UMAD1: variants seen among roughly 807,000 people sequenced by gnomAD.
The protein encoded by UMAD1 is UBAP1-MVB12-associated (UMA)-domain containing protein 1.
Under a neutral mutation model 6.1 loss-of-function variants are expected in UMAD1, and 8 were observed. The ratio of observed to expected loss-of-function variants is 1.30; its 90% CI spans 0.76 to 2.35. The LOEUF is 2.35. Ranked by LOEUF, UMAD1 falls within the 30% of genes most tolerant of loss-of-function variation. The pLI is 0.00. For missense variants in UMAD1, 130 were observed against 78.4 expected, an observed-to-expected ratio of 1.66 and a Z score of -2.49; for synonymous variants, 56 against 31.4, an observed-to-expected ratio of 1.78 and a Z score of -2.61.
At chr7:7,782,727 C>CCT (rs1216124500) in intron 2 of UMAD1, among the ~76,000 whole-genome samples, 16 of 149,314 alleles carry the variant, frequency 1.1e-4, no homozygotes, top group African/African-American at 3.3e-4. Flanking sequence ...TTGTGTATAA[C>CCT]CTCTCTCTTT....
intron 2 of UMAD1, among the ~76,000 whole-genome samples, chr7:7,783,606 G>A (rs577864835): frequency 6.6e-6 from 1 of 152,226 alleles, no homozygotes; most frequent in African/African-American, 2.4e-5. Flanking sequence ...TAACTACCAA[G>A]ATTTGTAGCT....
chr7:7,803,858 AT>A (rs1237194249), intron 3 of UMAD1, among the ~76,000 whole-genome samples: 2 of 152,094 alleles, frequency 1.3e-5, no homozygotes, highest in African/African-American at 4.8e-5. Context: ...CAACATACGA[AT>A]TTTGGAGGGA....
At chr7:7,801,249 G>A (rs1236219467) in intron 2 of UMAD1, among the ~76,000 whole-genome samples, 1 of 152,126 alleles carries the variant, frequency 6.6e-6, no homozygotes, top group Non-Finnish European at 1.5e-5. Context: ...CTACTCCAAG[G>A]CAAATCCACA....
chr7:7,804,978 C>T (rs1403631385), intron 3 of UMAD1, among the ~76,000 whole-genome samples: 1 of 98,594 alleles, frequency 1.0e-5, no homozygotes, highest in Non-Finnish European at 2.0e-5. Flanking sequence ...GGAACTCCTT[C>T]TCAAGAAAAC....
intron 2 of UMAD1, among the ~76,000 whole-genome samples, chr7:7,711,270 C>T (rs1301286270): frequency 1.3e-5 from 2 of 152,120 alleles, no homozygotes; most frequent in Non-Finnish European, 2.9e-5. Flanking sequence ...TGAAAAAGTT[C>T]AATTAAAAGA....
rs183032951 is a variant in UMAD1, at chr7:7,818,677, A to G, written c.156+16934A>G. Among the ~76,000 whole-genome samples the G allele has an allele frequency of 9.8e-5, 15 of 152,376 alleles. No individual in the cohort carries two copies. The East Asian group carries it at 2.7e-3, about 27-fold the overall frequency. On this transcript the variant is annotated intron_variant, in intron 3 of 3. Coordinates refer to ENST00000682710, the MANE Select transcript of UMAD1 (RefSeq NM_001302348.2). ...ACCTTTACTGTATATACCCAAAGGA[A>G]TATAAATCATTCTATTATAAAGACA...
At chr7:7,767,604 T>G (rs900997631) in intron 2 of UMAD1, among the ~76,000 whole-genome samples, 3 of 152,318 alleles carry the variant, frequency 2.0e-5, no homozygotes. Context: ...TGTAGTAAAG[T>G]GCCAGCTCTG....
At chr7:7,783,254 A>T (rs1782387126) in intron 2 of UMAD1, among the ~76,000 whole-genome samples, 1 of 152,242 alleles carries the variant, frequency 6.6e-6, no homozygotes, top group South Asian at 2.1e-4. Context: ...CTTCCTCAGA[A>T]TAGTCTGTAA....
intron 2 of UMAD1, among the ~76,000 whole-genome samples, chr7:7,745,065 A>C (rs1442950582): frequency 6.6e-6 from 1 of 152,234 alleles, no homozygotes; most frequent in Non-Finnish European, 1.5e-5. Context: ...TATATACTAT[A>C]TTCTTACCAT....
In UMAD1 at chr7:7,748,471, A is replaced by C. The variant is rs1583795840; in HGVS notation, c.83-53199A>C. ...GCCACAGAACTAGATAACCATTTCCAGATTGGAATATAAATTAATCAATGT... is the reference window on the plus strand; with the variant it reads ...GCCACAGAACTAGATAACCATTTCCCGATTGGAATATAAATTAATCAATGT... On this transcript the variant is annotated intron_variant, in intron 2 of 3. Coordinates refer to ENST00000682710, the MANE Select transcript of UMAD1 (RefSeq NM_001302348.2). Among the ~76,000 whole-genome samples the C allele has an allele frequency of 2.0e-5, 3 of 152,112 alleles. No individual in the cohort carries two copies. The South Asian group carries it at 6.2e-4, about 32-fold the overall frequency.
chr7:7,643,927 C>T (rs6974202), intron 1 of UMAD1, among the ~76,000 whole-genome samples: 4,999 of 152,046 alleles, frequency 0.033, 125 homozygotes, highest in East Asian at 0.1. Context: ...CAAATTTTTT[C>T]GTCTGAGGAG....
chr7:7,758,862 C>G (rs530590854), intron 2 of UMAD1, among the ~76,000 whole-genome samples: 4 of 152,254 alleles, frequency 2.6e-5, no homozygotes, highest in South Asian at 2.1e-4. Context: ...CTCTCCCCAC[C>G]CTGTTAGAGA....
intron 2 of UMAD1, among the ~76,000 whole-genome samples, chr7:7,731,855 C>T (rs192347121): frequency 2.3e-3 from 346 of 152,248 alleles, no homozygotes; most frequent in African/African-American, 7.7e-3. Context: ...AGGGCTTGGA[C>T]TGTGGACACA....
At chr7:7,863,685 G>A (rs1406981833) in intron 3 of UMAD1, among the ~76,000 whole-genome samples, 1 of 152,120 alleles carries the variant, frequency 6.6e-6, no homozygotes, top group African/African-American at 2.4e-5. Flanking sequence ...TGCATCAAGA[G>A]CCAATGGAGA....
chr7:7,829,765 A>G (rs1350748057), intron 3 of UMAD1, among the ~76,000 whole-genome samples: 1 of 152,210 alleles, frequency 6.6e-6, no homozygotes, highest in Non-Finnish European at 1.5e-5. Context: ...CACCAAACCT[A>G]GTAAAACATT....
Position 7,878,565 on chromosome 7 carries a change from G to A in UMAD1, c.*1027G>A, listed in dbSNP as rs1784467449. The A allele has an allele frequency of 6.6e-6, 1 of 152,194 alleles. No individual in the cohort carries two copies. The highest frequency in any genetic ancestry group is 2.1e-4 in the South Asian group (1 of 4,830). The allele number at this position is 152,194 out of a possible 1,614,324, so 9.4% of individuals were successfully genotyped here. The stretch of plus-strand genomic sequence containing the variant: ...CAGAACTGCCATTGGTCAATAAACT[G>A]TAAAGGGAAGAGGTAAATTGTGATA... On this transcript the variant is annotated 3_prime_UTR_variant, in exon 4 of 4. Transcript: ENST00000682710.
At chr7:7,731,269 G>A (rs1781246371) in intron 2 of UMAD1, among the ~76,000 whole-genome samples, 1 of 152,096 alleles carries the variant, frequency 6.6e-6, no homozygotes, top group African/African-American at 2.4e-5. Context: ...CAAAGTGCTG[G>A]GATTACAGCC....
intron 2 of UMAD1, among the ~76,000 whole-genome samples, chr7:7,800,096 T>A (rs1248885849): frequency 6.6e-6 from 1 of 152,248 alleles, no homozygotes; most frequent in Non-Finnish European, 1.5e-5. Flanking sequence ...TTGGTCTGGC[T>A]GGTCTCGATC....
chr7:7,840,190 G>A (rs73343507), intron 3 of UMAD1, among the ~76,000 whole-genome samples: 1 of 152,108 alleles, frequency 6.6e-6, no homozygotes, highest in Non-Finnish European at 1.5e-5. Context: ...GGGTTCTGGG[G>A]TTAGTGTAGT....
Sources: allele counts gnomAD v4.1 joint callset (sites outside exome capture counted in the v4.1 genomes callset), GRCh38; gene constraint gnomAD v4.1.1; transcripts MANE v1.5; gene names NCBI Gene and HGNC (gene_info 2026-07-23, HGNC 2026-07-21).